The following BANK1 variants were observed in gnomAD, a reference collection of about 807,000 sequenced individuals.
The protein encoded by BANK1 is B-cell scaffold protein with ankyrin repeats.
Under a neutral mutation model 94.5 loss-of-function variants are expected in BANK1, and 95 were observed. That is an observed-to-expected ratio of 1.00 (90% confidence interval 0.85 to 1.19). BANK1 has a LOEUF of 1.19. Among genes scored for constraint, BANK1 ranks in the 50% most tolerant of loss-of-function variants. The pLI is 0.00. For missense variants in BANK1, 987 were observed against 932.2 expected (o/e 1.06, Z -0.77); for synonymous variants, 334 against 308.4 (o/e 1.08, Z -0.87).
chr4:101,878,936 G>A (rs1472596238), intron 5 of BANK1, among the ~76,000 whole-genome samples: 2 of 151,778 alleles, frequency 1.3e-5, no homozygotes. Flanking sequence ...CAAAATCTAT[G>A]AGATACAGCA....
chr4:101,808,755 T>C (rs1444222480), intron 1 of BANK1, among the ~76,000 whole-genome samples: 2 of 152,050 alleles, frequency 1.3e-5, no homozygotes, highest in African/African-American at 2.4e-5. Flanking sequence ...TGAAAAATGC[T>C]CAACATCACT....
At chr4:101,897,095 G>C (rs1281983654) in intron 6 of BANK1, among the ~76,000 whole-genome samples, 1 of 151,896 alleles carries the variant, frequency 6.6e-6, no homozygotes, top group African/African-American at 2.4e-5. Context: ...CTCACCTCAT[G>C]GTTTTGGTAA....
At position 102,063,201 on chromosome 4, in the gene BANK1, G is replaced by A. The variant is rs1728482923; in HGVS notation, c.2212+63G>A. 3.5e-6 allele frequency: 5 copies of A among 1,449,154 alleles called. No individual in the cohort carries two copies. In the African/African-American group the frequency reaches 4.2e-5, roughly 12 times the overall value. The allele number at this position is 1,449,154 out of a possible 1,614,324, so 89.8% of individuals were successfully genotyped here. On this transcript the variant is annotated intron_variant, in intron 13 of 16. Coordinates refer to ENST00000322953, the MANE Select transcript of BANK1 (RefSeq NM_017935.5). ...TGATTACGTTGAAAATTCAAGGACT[G>A]TGGAGATGATTGGGCCTGAGTTCAA...
At chr4:101,919,687 A>G (rs1273040618) in intron 7 of BANK1, among the ~76,000 whole-genome samples, 1 of 151,998 alleles carries the variant, frequency 6.6e-6, no homozygotes, top group African/African-American at 2.4e-5. Context: ...AATTTTCTAT[A>G]GTATCTTTGT....
intron 6 of BANK1, among the ~76,000 whole-genome samples, chr4:101,912,999 T>C (rs1320418680): frequency 6.6e-6 from 1 of 152,212 alleles, no homozygotes; most frequent in Non-Finnish European, 1.5e-5. Context: ...ATTTCTTGAA[T>C]GTCTGTGTGA....
chr4:102,054,890 T>C (rs140222277), intron 11 of BANK1, among the ~76,000 whole-genome samples: 415 of 152,220 alleles, frequency 2.7e-3, no homozygotes, highest in Non-Finnish European at 3.5e-3. Context: ...CCGTGGGAAT[T>C]TAGTCTTCTG....
At chr4:102,007,118 TA>T (rs1250381091) in intron 7 of BANK1, among the ~76,000 whole-genome samples, 5 of 40,186 alleles carry the variant, frequency 1.2e-4, no homozygotes, top group African/African-American at 3.8e-4. Context: ...TATAAATATA[TA>T]TTTTATATAT....
intron 7 of BANK1, among the ~76,000 whole-genome samples, chr4:102,003,051 G>A (rs1260299369): frequency 2.6e-5 from 4 of 152,134 alleles, no homozygotes; most frequent in Non-Finnish European, 4.4e-5. Flanking sequence ...GTGAGCTACC[G>A]TGCCCAGCCT....
intron 10 of BANK1, among the ~76,000 whole-genome samples, chr4:102,040,141 G>T (rs1007402675): frequency 6.6e-6 from 1 of 151,964 alleles, no homozygotes; most frequent in African/African-American, 2.4e-5. Flanking sequence ...GAATATTCTC[G>T]CAGATGCAGC....
At chr4:101,890,741 G>T (rs1225185315) in intron 5 of BANK1, among the ~76,000 whole-genome samples, 1 of 139,806 alleles carries the variant, frequency 7.2e-6, no homozygotes, top group African/African-American at 2.6e-5. Flanking sequence ...TTGCTTTCCT[G>T]TGTGTTACTT....
At chr4:101,895,511 C>A in intron 6 of BANK1, 101 bp downstream of exon 6, 1 of 664,394 alleles carries the variant, frequency 1.5e-6, no homozygotes, top group Non-Finnish European at 2.6e-6. Flanking sequence ...AGCTGCACTG[C>A]TGATGAGATG....
intron 7 of BANK1, among the ~76,000 whole-genome samples, chr4:101,959,081 G>A (rs1186436802): frequency 1.3e-5 from 2 of 151,964 alleles, no homozygotes; most frequent in African/African-American, 2.4e-5. Context: ...AGCTGAAGAT[G>A]TTTACTTTCA....
intron 5 of BANK1, among the ~76,000 whole-genome samples, chr4:101,887,019 C>G (rs917546794): frequency 1.4e-4 from 22 of 152,212 alleles, no homozygotes; most frequent in Non-Finnish European, 2.5e-4. Flanking sequence ...TAAGTGTTGC[C>G]CAATGGCATG....
chr4:101,862,723 T>C, intron 4 of BANK1, 59 bp downstream of exon 4: 2 of 1,438,374 alleles, frequency 1.4e-6, no homozygotes, highest in South Asian at 3.2e-5. Flanking sequence ...TTCCAATAAA[T>C]TTATAATAAA....
At chr4:101,852,479 T>C (rs938531617) in intron 2 of BANK1, among the ~76,000 whole-genome samples, 1 of 104,730 alleles carries the variant, frequency 9.5e-6, no homozygotes, top group Non-Finnish European at 2.0e-5. Context: ...GCTATATATA[T>C]ATATATATAT....
intron 7 of BANK1, among the ~76,000 whole-genome samples, chr4:101,981,342 C>T (rs763139708): frequency 2.0e-5 from 3 of 151,988 alleles, no homozygotes; most frequent in Admixed American, 1.3e-4. Flanking sequence ...TATTCTTTTT[C>T]TCTTTAGACT....
At chr4:101,969,652 T>A (rs749887889) in intron 7 of BANK1, among the ~76,000 whole-genome samples, 3 of 152,046 alleles carry the variant, frequency 2.0e-5, no homozygotes, top group South Asian at 2.1e-4. Flanking sequence ...CTCACTAAAT[T>A]TGCTGTCCAA....
chr4:102,004,557 T>A (rs749931850), intron 7 of BANK1, among the ~76,000 whole-genome samples: 3 of 152,186 alleles, frequency 2.0e-5, no homozygotes, highest in Non-Finnish European at 4.4e-5. Flanking sequence ...TGAAGTATTA[T>A]GAAAAACTCA....
intron 7 of BANK1, among the ~76,000 whole-genome samples, chr4:102,013,551 A>C (rs1726580933): frequency 6.6e-6 from 1 of 152,034 alleles, no homozygotes; most frequent in Non-Finnish European, 1.5e-5. Context: ...TGGCCCCAGG[A>C]GAATTTCCAT....
Sources: gnomAD v4.1 joint callset for allele counts (sites outside exome capture counted in the v4.1 genomes callset) on GRCh38, gnomAD v4.1.1 for gene constraint, MANE v1.5 for transcripts, NCBI Gene and HGNC (gene_info 2026-07-23, HGNC 2026-07-21) for gene names.